Variants in SLC2A3 observed in about 807,000 individuals in gnomAD.
SLC2A3 encodes solute carrier family 2 member 3.
Under a neutral mutation model 46.4 loss-of-function variants are expected in SLC2A3, and 21 were observed. The observed-to-expected ratio is 0.45, with a 90% CI of 0.32 to 0.65. SLC2A3 has a LOEUF of 0.65. SLC2A3 is among the 30% of genes least tolerant of loss of function. The probability of loss-of-function intolerance (pLI) is 0.04; values close to 1 mark genes in which losing one functional copy is unlikely to be tolerated. For missense variants in SLC2A3, 499 were observed against 623.3 expected, an observed-to-expected ratio of 0.80 and a Z score of 2.12; for synonymous variants, 213 against 239.4, an observed-to-expected ratio of 0.89 and a Z score of 1.02.
chr12:7,923,086 C>A, intron 8 of SLC2A3, 62 bp from the exon 9 acceptor site: 2 of 1,466,312 alleles, frequency 1.4e-6, no homozygotes, highest in Non-Finnish European at 1.8e-6. Flanking sequence ...TATCTAGGTT[C>A]CCAGAAGCAA....
chr12:7,933,706 G>T (rs1946182831), intron 2 of SLC2A3, 104 bp downstream of exon 2: 1 of 1,247,008 alleles, frequency 8.0e-7, no homozygotes, highest in Non-Finnish European at 1.1e-6. Flanking sequence ...TGGGACTCCA[G>T]GCAGATGCCA....
chr12:7,932,304 A>G (rs1318233737), intron 3 of SLC2A3, among the ~76,000 whole-genome samples: 2 of 151,484 alleles, frequency 1.3e-5, no homozygotes, highest in Non-Finnish European at 2.9e-5. Context: ...CAGCCTCCGG[A>G]GTAGCTGGAA....
In SLC2A3 at chr12:7,930,489, C is replaced by A. The variant is rs748629452; in HGVS notation, c.664G>T (p.Ala222Ser). The A allele has an allele frequency of 6.2e-7, 1 of 1,613,306 alleles. No homozygotes were observed. The highest frequency in any genetic ancestry group is 8.5e-7 in the Non-Finnish European group (1 of 1,179,456). Residue 222 changes from alanine (A) to serine (S), a missense_variant, in exon 5 of 10, where the codon GCT (alanine) becomes TCT (serine). This residue lies in a region of SLC2A3 where 248 missense variants were observed against 284.0 expected (regional missense o/e 0.87). Transcript: ENST00000075120. ...TGTGAAGGATACTCACTCTGCTTAG[C>A]ATTCTCCTCTTCTTTTCTGTTAATG... The part of the protein sequence containing the change: ...LLINRKEEEN[A>S]KQILQRLWGT...
chr12:7,922,462 A>G (rs1488665466), intron 9 of SLC2A3, among the ~76,000 whole-genome samples: 2 of 152,028 alleles, frequency 1.3e-5, no homozygotes, highest in Non-Finnish European at 2.9e-5. Flanking sequence ...GGACTGCTGT[A>G]TTTTTTTATT....
chr12:7,923,108 C>T, intron 8 of SLC2A3, 84 bp from the exon 9 acceptor site: 1 of 1,270,712 alleles, frequency 7.9e-7, no homozygotes, highest in South Asian at 1.5e-5. Context: ...TAACGGCAAG[C>T]TCCTCCTGTC....
Position 7,933,130 on chromosome 12 carries a change from G to C in SLC2A3, c.126C>G (p.Ile42Met). ...TTCCCTTGTCCGTCAAAGTTTTATT[G>C]ATAAATTCCTTTATGATCTGCAAAA... ...NAPEKIIKEF[I>M]NKTLTDKGNA... is the part of the protein sequence containing the mutation. Residue 42 changes from isoleucine (I) to methionine (M), a missense_variant, in exon 3 of 10, where the codon ATC (isoleucine) becomes ATG (methionine). By Grantham distance (10) the Ile-to-Met change is conservative. Coordinates refer to ENST00000075120, the MANE Select transcript of SLC2A3 (RefSeq NM_006931.3). The C allele has an allele frequency of 8.1e-6, 13 of 1,614,044 alleles. No individual in the cohort carries two copies. Among genetic ancestry groups the C allele is most frequent in the Non-Finnish European group, 1.1e-5 (13 of 1,179,980 alleles).
chr12:7,928,376 C>A (rs971112149), intron 6 of SLC2A3, among the ~76,000 whole-genome samples: 1 of 151,364 alleles, frequency 6.6e-6, no homozygotes, highest in South Asian at 2.1e-4. Context: ...CCAGCCTGGG[C>A]GATCGAGTGA....
chr12:7,931,734 C>A (rs1245167682), intron 3 of SLC2A3, among the ~76,000 whole-genome samples: 1 of 151,890 alleles, frequency 6.6e-6, no homozygotes, highest in East Asian at 1.9e-4. Flanking sequence ...TATGATTGGG[C>A]CATTACACTC....
intron 4 of SLC2A3, among the ~76,000 whole-genome samples, chr12:7,931,018 CATCTGCTGACCTCGTG>C (rs962759756): frequency 2.0e-5 from 3 of 151,948 alleles, no homozygotes. Flanking sequence ...GGCTGGTCTT[CATCTGCTGACCTCGTG>C]ATCTGCCCAC....
chr12:7,931,643 T>C (rs774048001), intron 3 of SLC2A3, among the ~76,000 whole-genome samples, 158 bp from the exon 4 acceptor site: 1 of 152,086 alleles, frequency 6.6e-6, no homozygotes, highest in East Asian at 1.9e-4. Flanking sequence ...ACATTTCTAG[T>C]TGGGAACCAG....
chr12:7,934,016 A>G (rs1946187434), intron 1 of SLC2A3, 114 bp from the exon 2 acceptor site: 4 of 956,348 alleles, frequency 4.2e-6, no homozygotes, highest in Non-Finnish European at 6.4e-6. Context: ...TGGTATGAAA[A>G]GAACATCCAA....
chr12:7,932,114 T>G (rs1231731781), intron 3 of SLC2A3, among the ~76,000 whole-genome samples: 1 of 151,824 alleles, frequency 6.6e-6, no homozygotes, highest in Non-Finnish European at 1.5e-5. Context: ...TCTCCTGACC[T>G]TGTTATCTGC....
intron 5 of SLC2A3, chr12:7,930,250 G>T: frequency 1.9e-6 from 1 of 536,940 alleles, no homozygotes; most frequent in Non-Finnish European, 3.2e-6. Context: ...TTATAATGCT[G>T]GATTACAGGC....
intron 1 of SLC2A3, among the ~76,000 whole-genome samples, chr12:7,934,619 G>A (rs534304284): frequency 4.5e-4 from 68 of 152,188 alleles, no homozygotes; most frequent in Non-Finnish European, 6.9e-4. Context: ...TCAGCCGGGC[G>A]AGACATTTTC....
intron 8 of SLC2A3, among the ~76,000 whole-genome samples, chr12:7,923,858 T>G (rs1167261969): frequency 1.3e-5 from 2 of 150,176 alleles, no homozygotes; most frequent in Admixed American, 6.7e-5. Flanking sequence ...AACCTCTGCC[T>G]CCTGGGTTCA....
chr12:7,920,616 G>T lies in SLC2A3; in HGVS notation c.*797C>A, dbSNP rs979339339. 1.3e-5 allele frequency: 2 copies of T among 152,076 alleles called. No homozygotes were observed. Among genetic ancestry groups the T allele is most frequent in the African/African-American group, 4.8e-5 (2 of 41,398 alleles). 9.4% of individuals were successfully genotyped at this position (152,076 alleles called of 1,614,324 possible). ...GAAGTTAAAGAGTTTCCATCTGAAG[G>T]ACAGAAATTGTTAAGAGGTAACGTA... is the stretch of plus-strand genomic sequence containing the variant. On this transcript the variant is annotated 3_prime_UTR_variant, in exon 10 of 10. Coordinates refer to ENST00000075120, the MANE Select transcript of SLC2A3 (RefSeq NM_006931.3).
rs1447466595 is a variant in SLC2A3 at position 7,929,878 on chromosome 12, AAAAGAAG to A, written c.674-14_674-8del. ...CCCCACAACCGCTGGAGGACTGGTG[AAAAGAAG>A]AAAGAGGAAAGGATAAAAGAGAATG... On this transcript the variant is annotated splice_polypyrimidine_tract_variant and splice_region_variant and intron_variant, in intron 5 of 9. Coordinates refer to ENST00000075120, the MANE Select transcript of SLC2A3 (RefSeq NM_006931.3). The A allele has an allele frequency of 6.2e-7, 1 of 1,613,742 alleles. No homozygotes were observed. The highest frequency in any genetic ancestry group is 1.3e-5 in the African/African-American group (1 of 74,904).
intron 2 of SLC2A3, 36 bp from the exon 3 acceptor site, chr12:7,933,183 T>TTA (rs1946176359): frequency 6.2e-7 from 1 of 1,607,224 alleles, no homozygotes; most frequent in Non-Finnish European, 8.5e-7. Context: ...GAACAGACTG[T>TTA]TACAGTTGGA....
chr12:7,933,680 C>T, intron 2 of SLC2A3, 130 bp downstream of exon 2: 1 of 926,314 alleles, frequency 1.1e-6, no homozygotes, highest in South Asian at 1.6e-5. Flanking sequence ...CTTTAAGCCT[C>T]AGCCTCAGGA....
Sources: gnomAD v4.1 joint callset for allele counts (sites outside exome capture counted in the v4.1 genomes callset) on GRCh38, gnomAD v4.1.1 for gene constraint, gnomAD v4.1.1 regional missense constraint, MANE v1.5 for transcripts, NCBI Gene and HGNC (gene_info 2026-07-23, HGNC 2026-07-21) for gene names.